Variants in FAF1 observed in about 807,000 individuals in gnomAD.
The protein encoded by FAF1 is Fas associated factor 1.
In FAF1, 25 loss-of-function variants were observed where a neutral mutation model predicts 92.5. The observed-to-expected ratio is 0.27, with a 90% CI of 0.20 to 0.38. The LOEUF (loss-of-function observed/expected upper bound fraction) is 0.38. Among genes scored for constraint, FAF1 ranks in the 10% least tolerant of loss-of-function variants. FAF1 has a pLI of 1.00. For missense variants in FAF1, 636 were observed against 793.3 expected (o/e 0.80, Z 2.38); for synonymous variants, 234 against 273.2 (o/e 0.86, Z 1.42).
At chr1:50,845,273 G>A (rs1233780457) in intron 2 of FAF1, among the ~76,000 whole-genome samples, 4 of 152,178 alleles carry the variant, frequency 2.6e-5, no homozygotes, top group Non-Finnish European at 5.9e-5. Flanking sequence ...CAATATGAGC[G>A]TAAGGATACC....
At chr1:50,616,135 G>A (rs1652903961) in intron 8 of FAF1, among the ~76,000 whole-genome samples, 1 of 151,984 alleles carries the variant, frequency 6.6e-6, no homozygotes, top group Admixed American at 6.6e-5. Context: ...TGCTTGTTTT[G>A]TTGGCCTTGT....
chr1:50,706,082 C>T, intron 6 of FAF1, 191 bp from the exon 7 acceptor site: 1 of 481,596 alleles, frequency 2.1e-6, no homozygotes, highest in Non-Finnish European at 3.7e-6. Context: ...AACCTGTTAA[C>T]TCTTTCTCTA....
chr1:50,597,684 C>T (rs1210228230), intron 8 of FAF1, among the ~76,000 whole-genome samples: 2 of 151,980 alleles, frequency 1.3e-5, no homozygotes, highest in African/African-American at 2.4e-5. Flanking sequence ...TTTAAGGCCA[C>T]ATCTTAAGGA....
At chr1:50,790,004 T>C (rs1417867604) in intron 3 of FAF1, among the ~76,000 whole-genome samples, 1 of 152,176 alleles carries the variant, frequency 6.6e-6, no homozygotes, top group African/African-American at 2.4e-5. Flanking sequence ...ACCTTTCATA[T>C]CTCAGATTGA....
intron 7 of FAF1, among the ~76,000 whole-genome samples, chr1:50,675,054 C>G (rs1442778963): frequency 6.6e-6 from 1 of 152,064 alleles, no homozygotes; most frequent in Non-Finnish European, 1.5e-5. Flanking sequence ...CCATACCTGG[C>G]TAATTTTTGT....
chr1:50,689,594 AAAAACAAAAC>A (rs888379270), intron 7 of FAF1, among the ~76,000 whole-genome samples: 1 of 152,356 alleles, frequency 6.6e-6, no homozygotes, highest in African/African-American at 2.4e-5. Flanking sequence ...AAAAAAAACA[AAAAACAAAAC>A]AAAACAAAAC....
intron 2 of FAF1, among the ~76,000 whole-genome samples, chr1:50,833,780 C>G (rs987834191): frequency 6.6e-6 from 1 of 152,070 alleles, no homozygotes. Flanking sequence ...GACCTCTGTG[C>G]CAAAACTCAG....
At chr1:50,646,202 CA>C (rs1334975637) in intron 8 of FAF1, among the ~76,000 whole-genome samples, 1 of 152,108 alleles carries the variant, frequency 6.6e-6, no homozygotes, top group African/African-American at 2.4e-5. Context: ...CTGGTTTGCT[CA>C]ATTGCATTCT....
intron 1 of FAF1, among the ~76,000 whole-genome samples, chr1:50,904,459 T>G (rs552119595): frequency 3.3e-5 from 5 of 152,202 alleles, no homozygotes; most frequent in Non-Finnish European, 7.4e-5. Context: ...CAAAGCAATT[T>G]CAATGTACTT....
chr1:50,794,563 T>C (rs1047034613), intron 3 of FAF1, among the ~76,000 whole-genome samples: 5 of 152,286 alleles, frequency 3.3e-5, no homozygotes, highest in African/African-American at 1.2e-4. Context: ...GACAAGAAAG[T>C]CTAGAGAAGA....
intron 1 of FAF1, among the ~76,000 whole-genome samples, chr1:50,936,664 C>T (rs1645087487): frequency 6.6e-6 from 1 of 152,138 alleles, no homozygotes; most frequent in Admixed American, 6.5e-5. Flanking sequence ...GAGGCTGCTG[C>T]TTTTGGACTT....
chr1:50,535,284 T>G, intron 15 of FAF1, 85 bp downstream of exon 15: 1 of 898,506 alleles, frequency 1.1e-6, no homozygotes, highest in Non-Finnish European at 1.8e-6. Context: ...TTATCGATCA[T>G]ATCATAGGCA....
chr1:50,465,614 T>C (rs1053086982), intron 18 of FAF1, among the ~76,000 whole-genome samples: 2 of 152,128 alleles, frequency 1.3e-5, no homozygotes, highest in Non-Finnish European at 2.9e-5. Context: ...ACCTATTATG[T>C]CAGATAGTGA....
chr1:50,840,453 T>G (rs1394642273), intron 2 of FAF1, among the ~76,000 whole-genome samples: 2 of 151,798 alleles, frequency 1.3e-5, no homozygotes, highest in Admixed American at 6.6e-5. Context: ...AATAGATACT[T>G]CACCAAAGGA....
chr1:50,492,355 C>A (rs72898944), intron 15 of FAF1, among the ~76,000 whole-genome samples: 19,429 of 152,126 alleles, frequency 0.13, 1,628 homozygotes, highest in African/African-American at 0.23. Context: ...CACCACACCA[C>A]TAAAGCTCTG....
chr1:50,442,737 G>C (rs1646184515), intron 18 of FAF1, among the ~76,000 whole-genome samples: 1 of 152,226 alleles, frequency 6.6e-6, no homozygotes. Flanking sequence ...GGGAAGTGGA[G>C]GCCCTGGGGG....
chr1:50,797,443 G>A (rs2124586582), intron 3 of FAF1, among the ~76,000 whole-genome samples: 1 of 152,216 alleles, frequency 6.6e-6, no homozygotes, highest in East Asian at 1.9e-4. Flanking sequence ...GCTCATGCCT[G>A]TAATCCTAGC....
chr1:50,478,087 T>TAAACCTCTG (rs1646659386), intron 17 of FAF1, among the ~76,000 whole-genome samples: 1 of 152,170 alleles, frequency 6.6e-6, no homozygotes, highest in Non-Finnish European at 1.5e-5. Context: ...CTTGTAAGTA[T>TAAACCTCTG]AAACCTCTGT....
At chr1:50,746,590 C>A (rs768512645) in intron 4 of FAF1, among the ~76,000 whole-genome samples, 1 of 151,754 alleles carries the variant, frequency 6.6e-6, no homozygotes, top group Non-Finnish European at 1.5e-5. Context: ...GCATGAGCCA[C>A]CGAGCCCGGC....
Sources: allele counts gnomAD v4.1 joint callset (sites outside exome capture counted in the v4.1 genomes callset), GRCh38; gene constraint gnomAD v4.1.1; transcripts MANE v1.5; gene names NCBI Gene and HGNC (gene_info 2026-07-23, HGNC 2026-07-21).